Variants in FRMD4A observed in about 807,000 individuals in gnomAD.
The protein encoded by FRMD4A is FERM domain-containing protein 4A.
A neutral mutation model predicts 129.1 loss-of-function variants in FRMD4A; 29 were observed. The ratio of observed to expected loss-of-function variants is 0.22; its 90% CI spans 0.17 to 0.31. The LOEUF is 0.31. Among genes scored for constraint, FRMD4A ranks in the 10% least tolerant of loss-of-function variants. FRMD4A has a pLI of 1.00. For missense variants in FRMD4A, 1,272 were observed against 1,375.8 expected (o/e 0.92, Z 1.19); for synonymous variants, 634 against 571.6 (o/e 1.11, Z -1.56).
intron 14 of FRMD4A, among the ~76,000 whole-genome samples, chr10:13,695,860 G>C (rs762151212): frequency 6.6e-6 from 1 of 152,206 alleles, no homozygotes; most frequent in African/African-American, 2.4e-5. Flanking sequence ...TTACTGTCCA[G>C]CCAGGGCTGT....
chr10:13,664,127 A>G (rs1356472628), intron 18 of FRMD4A, among the ~76,000 whole-genome samples: 3 of 152,226 alleles, frequency 2.0e-5, no homozygotes, highest in African/African-American at 7.2e-5. Context: ...GAGGGGTAGG[A>G]AGGGAAGAGT....
intron 2 of FRMD4A, chr10:14,326,643 G>C: frequency 2.5e-6 from 1 of 393,890 alleles, no homozygotes; most frequent in Non-Finnish European, 4.5e-6. Context: ...AACCGAAATG[G>C]CATCATAACA....
intron 12 of FRMD4A, among the ~76,000 whole-genome samples, chr10:13,732,783 T>G (rs1007569315): frequency 6.6e-6 from 1 of 152,202 alleles, no homozygotes; most frequent in Non-Finnish European, 1.5e-5. Context: ...CACCCAGCCA[T>G]GAGGCCCATG....
At chr10:13,983,816 G>A (rs113205844) in intron 2 of FRMD4A, among the ~76,000 whole-genome samples, 3,591 of 151,240 alleles carry the variant, frequency 0.024, 149 homozygotes, top group African/African-American at 0.082. Flanking sequence ...ATTCGCCAAT[G>A]TGGTGAAACC....
At chr10:13,921,212 TTTTC>T (rs200456822) in intron 2 of FRMD4A, among the ~76,000 whole-genome samples, 2,628 of 66,834 alleles carry the variant, frequency 0.039, 34 homozygotes, top group Non-Finnish European at 0.045. Context: ...TTCTCTCTCT[TTTTC>T]TTTCTTTCTT....
At chr10:14,223,752 A>G (rs1843339996) in intron 2 of FRMD4A, among the ~76,000 whole-genome samples, 1 of 121,482 alleles carries the variant, frequency 8.2e-6, no homozygotes, top group Non-Finnish European at 1.7e-5. Context: ...AAATGAAAAA[A>G]AAAAAAAAAA....
Position 14,069,098 on chromosome 10 carries a change from C to T in FRMD4A, c.46-210186G>A, listed in dbSNP as rs150554412. On this transcript the variant is annotated intron_variant, in intron 2 of 24. Transcript: ENST00000357447. ...TAGGAAGAGGGTAGATTTGGTGATT[C>T]ACTTTTTAGGGAAATATCATTGGCC... Among the ~76,000 whole-genome samples the T allele has an allele frequency of 3.3e-5, 5 of 152,180 alleles. No individual in the cohort carries two copies. In the East Asian group the frequency reaches 5.8e-4, roughly 18 times the overall value.
chr10:14,262,436 T>C (rs1844838158), intron 2 of FRMD4A, among the ~76,000 whole-genome samples: 1 of 152,194 alleles, frequency 6.6e-6, no homozygotes, highest in South Asian at 2.1e-4. Flanking sequence ...TATAGAAATA[T>C]TAGTAATGAT....
intron 2 of FRMD4A, among the ~76,000 whole-genome samples, chr10:14,156,833 T>C (rs947598379): frequency 6.6e-6 from 1 of 152,216 alleles, no homozygotes; most frequent in Non-Finnish European, 1.5e-5. Flanking sequence ...AATGACCTCA[T>C]TGGGTTTCTC....
intron 2 of FRMD4A, among the ~76,000 whole-genome samples, chr10:14,208,698 C>T (rs898195819): frequency 6.6e-6 from 1 of 152,144 alleles, no homozygotes; most frequent in Non-Finnish European, 1.5e-5. Context: ...GAACCCAGAG[C>T]TTTCCCTTTA....
chr10:14,239,822 T>A (rs530025116), intron 2 of FRMD4A, among the ~76,000 whole-genome samples: 50 of 152,318 alleles, frequency 3.3e-4, no homozygotes, highest in African/African-American at 1.1e-3. Context: ...TGAGTGAGTG[T>A]TTGCTCAGCT....
chr10:13,970,725 T>C (rs1293396994), intron 2 of FRMD4A, among the ~76,000 whole-genome samples: 1 of 152,144 alleles, frequency 6.6e-6, no homozygotes, highest in Non-Finnish European at 1.5e-5. Flanking sequence ...CCACGCAATC[T>C]GGGTCCTCTC....
At position 14,107,391 on chromosome 10, in the gene FRMD4A, T is replaced by C. The variant is rs549599945; in HGVS notation, c.45+222667A>G. On this transcript the variant is annotated intron_variant, in intron 2 of 24. Coordinates refer to ENST00000357447, the MANE Select transcript of FRMD4A (RefSeq NM_018027.5). ...TAATAAAATAAACCAAAAGTTGCTT[T>C]AAATAGTTCCTCCCTGTGTGTTTAT... 3.9e-3 allele frequency among the ~76,000 whole-genome samples: 594 copies of C among 152,354 alleles called. 3 individuals are homozygous for C. Among genetic ancestry groups the C allele is most frequent in the Middle Eastern group, 0.014 (4 of 294 alleles).
At chr10:14,105,447 T>C (rs895914856) in intron 2 of FRMD4A, among the ~76,000 whole-genome samples, 2 of 152,140 alleles carry the variant, frequency 1.3e-5, no homozygotes, top group African/African-American at 2.4e-5. Context: ...TGCATTTCCA[T>C]ATCTTCTCTC....
chr10:13,977,233 A>C (rs2095545099), intron 2 of FRMD4A, among the ~76,000 whole-genome samples: 1 of 152,226 alleles, frequency 6.6e-6, no homozygotes, highest in African/African-American at 2.4e-5. Context: ...GGCGTCCTCT[A>C]CTTCTGTGTC....
intron 2 of FRMD4A, among the ~76,000 whole-genome samples, chr10:14,239,808 T>G (rs1843975696): frequency 6.6e-6 from 1 of 152,220 alleles, no homozygotes; most frequent in Non-Finnish European, 1.5e-5. Context: ...GAAAAGATGC[T>G]TTCTGAGTGA....
chr10:14,250,617 CA>C (rs1198068468), intron 2 of FRMD4A, among the ~76,000 whole-genome samples: 5 of 152,098 alleles, frequency 3.3e-5, no homozygotes, highest in African/African-American at 1.2e-4. Context: ...TCTGTGGGGC[CA>C]AAAATCAAGC....
chr10:13,840,557 G>A lies in FRMD4A; in HGVS notation c.111+18290C>T, dbSNP rs527329863. On this transcript the variant is annotated intron_variant, in intron 3 of 24. Coordinates refer to ENST00000357447, the MANE Select transcript of FRMD4A (RefSeq NM_018027.5). Reference sequence around the variant, plus strand: ...TAATCCCAGCACTTTGGGAGGCCAAGGTGGGTGGATCACTTGAGGTCAGGA... The same window carrying A: ...TAATCCCAGCACTTTGGGAGGCCAAAGTGGGTGGATCACTTGAGGTCAGGA... Among the ~76,000 whole-genome samples, 4 of 143,382 alleles carry A rather than the reference G, an allele frequency of 2.8e-5. No homozygotes were observed. In the South Asian group the frequency reaches 9.3e-4, roughly 33 times the overall value. 94.1% of individuals were successfully genotyped at this position (143,382 alleles called of 152,430 possible).
At chr10:14,042,688 C>G (rs867896117) in intron 2 of FRMD4A, among the ~76,000 whole-genome samples, 1 of 151,946 alleles carries the variant, frequency 6.6e-6, no homozygotes, top group African/African-American at 2.4e-5. Flanking sequence ...AACAGGCCGG[C>G]GCAGTGGCTC....
Sources: allele counts gnomAD v4.1 joint callset (sites outside exome capture counted in the v4.1 genomes callset), GRCh38; gene constraint gnomAD v4.1.1; transcripts MANE v1.5; gene names NCBI Gene and HGNC (gene_info 2026-07-23, HGNC 2026-07-21).